DDX10: variants seen among roughly 807,000 people sequenced by gnomAD.
DDX10 encodes DEAD-box helicase 10.
In DDX10, 74 loss-of-function variants were observed where a neutral mutation model predicts 104.3. The ratio of observed to expected loss-of-function variants is 0.71; its 90% CI spans 0.59 to 0.86. The LOEUF is 0.86. Ranked by LOEUF, DDX10 falls within the 40% of genes least tolerant of loss-of-function variation. The pLI, the probability that DDX10 is intolerant of heterozygous loss-of-function variation, is 0.00. For synonymous variants in DDX10, 351 were observed against 353.4 expected (o/e 0.99, Z 0.08); for missense variants, 952 against 1,040.0 (o/e 0.92, Z 1.16).
At chr11:108,722,509 A>G (rs980886668) in intron 12 of DDX10, among the ~76,000 whole-genome samples, 2 of 152,188 alleles carry the variant, frequency 1.3e-5, no homozygotes, top group African/African-American at 2.4e-5. Context: ...ACCACATTCC[A>G]GTTCTTTCTC....
At position 108,675,638 on chromosome 11, in the gene DDX10, A is replaced by G; in HGVS notation, c.290A>G (p.Lys97Arg). The G allele has an allele frequency of 6.2e-7, 1 of 1,614,188 alleles. No individual in the cohort carries two copies. The highest frequency in any genetic ancestry group is 1.1e-5 in the South Asian group (1 of 91,084). Residue 97 changes from lysine (K) to arginine (R), a missense_variant, in exon 3 of 18, where the codon AAG becomes AGG. Physicochemically the swap from Lys to Arg is conservative, Grantham distance 26. Around this residue, in one of 3 missense-constraint regions of DDX10, gnomAD observed 412 missense variants for 479.2 expected, o/e 0.86. Coordinates refer to ENST00000322536, the MANE Select transcript of DDX10 (RefSeq NM_004398.4). The part of the protein sequence containing the change: ...AQYRLVTEIQ[K>R]QTIGLALQGK... ...TACCGTTTGGTGACTGAGATACAGA[A>G]GCAGACCATTGGATTGGCTTTGCAA...
At chr11:108,891,660 A>G (rs774255851) in intron 16 of DDX10, among the ~76,000 whole-genome samples, 2 of 152,176 alleles carry the variant, frequency 1.3e-5, no homozygotes, top group South Asian at 2.1e-4. Context: ...TTGACATTAT[A>G]TTACATATTG....
At chr11:108,722,974 T>C (rs1251003894) in intron 12 of DDX10, 23 bp from the exon 13 acceptor site, 3 of 1,574,248 alleles carry the variant, frequency 1.9e-6, no homozygotes, top group South Asian at 2.4e-5. Context: ...AGATGACTGT[T>C]TTCACGTTTT....
chr11:108,808,671 A>G (rs762892960), intron 13 of DDX10, among the ~76,000 whole-genome samples: 5 of 152,190 alleles, frequency 3.3e-5, no homozygotes, highest in African/African-American at 4.8e-5. Flanking sequence ...AACAGGCTAC[A>G]TTTTGAAAAA....
intron 13 of DDX10, among the ~76,000 whole-genome samples, chr11:108,776,975 C>A (rs2094370777): frequency 6.6e-6 from 1 of 152,178 alleles, no homozygotes. Flanking sequence ...TTGTGATAAC[C>A]CTGAGCACAG....
Position 108,705,755 on chromosome 11 carries a change from C to T in DDX10, c.1224-984C>T, listed in dbSNP as rs115522396. Among the ~76,000 whole-genome samples the T allele has an allele frequency of 8.3e-3, 1,267 of 152,082 alleles. 22 individuals carry two copies. Among genetic ancestry groups the T allele is most frequent in the African/African-American group, 0.029 (1,188 of 41,478 alleles). On this transcript the variant is annotated intron_variant, in intron 9 of 17. Coordinates refer to ENST00000322536, the MANE Select transcript of DDX10 (RefSeq NM_004398.4). ...TATTTAAAAAATTTCTCCAAGTATCCGTTGTGTTCTCTGTTTTACTGCTTG... is the reference window on the plus strand; with the variant it reads ...TATTTAAAAAATTTCTCCAAGTATCTGTTGTGTTCTCTGTTTTACTGCTTG...
At chr11:108,928,577 CTG>C (rs1173145707) in intron 17 of DDX10, among the ~76,000 whole-genome samples, 4 of 152,146 alleles carry the variant, frequency 2.6e-5, no homozygotes, top group East Asian at 3.8e-4. Flanking sequence ...GTGGGGAAAA[CTG>C]TGGGTTTGGG....
intron 13 of DDX10, among the ~76,000 whole-genome samples, chr11:108,815,246 C>T (rs1215552331): frequency 1.3e-5 from 2 of 152,120 alleles, no homozygotes; most frequent in African/African-American, 2.4e-5. Context: ...TTTCCCAATA[C>T]ATTTTAAGTT....
At chr11:108,818,054 G>T (rs926779824) in intron 13 of DDX10, among the ~76,000 whole-genome samples, 3 of 152,112 alleles carry the variant, frequency 2.0e-5, no homozygotes, top group Non-Finnish European at 2.9e-5. Context: ...AAGAAACAAC[G>T]CCACGATATA....
intron 13 of DDX10, among the ~76,000 whole-genome samples, chr11:108,797,820 C>A (rs1361568992): frequency 6.6e-6 from 1 of 152,198 alleles, no homozygotes; most frequent in Admixed American, 6.5e-5. Context: ...TGATTTCTGA[C>A]GAATGGCCTG....
chr11:108,890,508 T>C (rs1863361075), intron 16 of DDX10, among the ~76,000 whole-genome samples: 1 of 151,756 alleles, frequency 6.6e-6, no homozygotes, highest in Non-Finnish European at 1.5e-5. Context: ...CAGCATCCTC[T>C]TTTTCCCCCA....
intron 9 of DDX10, among the ~76,000 whole-genome samples, chr11:108,696,690 G>T (rs1230028907): frequency 6.6e-6 from 1 of 152,146 alleles, no homozygotes. Flanking sequence ...TGGGCCAGGG[G>T]TGTAGGCGCT....
intron 4 of DDX10, among the ~76,000 whole-genome samples, chr11:108,677,633 C>T (rs1163766025): frequency 6.6e-6 from 1 of 150,438 alleles, no homozygotes; most frequent in African/African-American, 2.5e-5. Context: ...AAGGTAGACT[C>T]TTTAGAGGAA....
At chr11:108,704,313 A>G (rs942761591) in intron 9 of DDX10, among the ~76,000 whole-genome samples, 3 of 152,226 alleles carry the variant, frequency 2.0e-5, no homozygotes, top group African/African-American at 7.2e-5. Context: ...ACTTGAATAT[A>G]GAGTATTAAA....
chr11:108,773,373 CTG>C (rs1213628157), intron 13 of DDX10, among the ~76,000 whole-genome samples: 1 of 152,202 alleles, frequency 6.6e-6, no homozygotes, highest in Non-Finnish European at 1.5e-5. Flanking sequence ...GCTGCACTTA[CTG>C]TTGATGTCTT....
intron 13 of DDX10, among the ~76,000 whole-genome samples, chr11:108,830,606 G>A (rs534705060): frequency 6.6e-6 from 1 of 152,042 alleles, no homozygotes; most frequent in Non-Finnish European, 1.5e-5. Flanking sequence ...GGTAAAAGTG[G>A]GCATCCTTGT....
At chr11:108,709,484 A>C (rs897579561) in intron 10 of DDX10, among the ~76,000 whole-genome samples, 7 of 152,188 alleles carry the variant, frequency 4.6e-5, no homozygotes, top group African/African-American at 1.7e-4. Flanking sequence ...TAGCCTATTG[A>C]GAGTGTTTAT....
At chr11:108,729,483 G>A (rs1021141798) in intron 13 of DDX10, among the ~76,000 whole-genome samples, 1 of 152,060 alleles carries the variant, frequency 6.6e-6, no homozygotes, top group Non-Finnish European at 1.5e-5. Flanking sequence ...GATGCAGGGA[G>A]CAGCCTCTGC....
intron 13 of DDX10, among the ~76,000 whole-genome samples, chr11:108,805,040 G>T (rs538816693): frequency 6.6e-6 from 1 of 152,324 alleles, no homozygotes; most frequent in Admixed American, 6.5e-5. Flanking sequence ...GCACAAGGAG[G>T]CAGGATCCTG....
Sources: allele counts gnomAD v4.1 joint callset (sites outside exome capture counted in the v4.1 genomes callset), GRCh38; gene constraint gnomAD v4.1.1; regional missense constraint gnomAD v4.1.1; transcripts MANE v1.5; gene names NCBI Gene and HGNC (gene_info 2026-07-23, HGNC 2026-07-21).